The following ORC5 variants were observed in gnomAD, a reference collection of about 807,000 sequenced individuals.
The protein encoded by ORC5 is origin recognition complex subunit 5.
In ORC5, 39 loss-of-function variants were observed where a neutral mutation model predicts 58.8. The ratio of observed to expected loss-of-function variants is 0.66; its 90% CI spans 0.51 to 0.87. ORC5 has a LOEUF of 0.87. Among genes scored for constraint, ORC5 ranks in the 40% least tolerant of loss-of-function variants. The pLI, the probability that ORC5 is intolerant of heterozygous loss-of-function variation, is 0.00. For missense variants in ORC5, 493 were observed against 506.3 expected (o/e 0.97, Z 0.25); for synonymous variants, 218 against 177.6 (o/e 1.23, Z -1.81).
At chr7:104,155,294 TTATAAA>T in intron 12 of ORC5, among the ~76,000 whole-genome samples, 2 of 151,830 alleles carry the variant, frequency 1.3e-5, no homozygotes, top group East Asian at 3.9e-4. Context: ...GTTTATGTTC[TTATAAA>T]TGAAAATAAA....
intron 12 of ORC5, among the ~76,000 whole-genome samples, chr7:104,140,212 A>T (rs1244925805): frequency 3.9e-5 from 6 of 152,072 alleles, no homozygotes; most frequent in African/African-American, 1.2e-4. Context: ...TTGTTTTTAT[A>T]ATCAGTCTGA....
At chr7:104,183,831 TCAAA>T (rs1371146758) in intron 8 of ORC5, 108 bp downstream of exon 8, 6 of 720,738 alleles carry the variant, frequency 8.3e-6, no homozygotes, top group Non-Finnish European at 9.2e-6. Context: ...ATGCCAATCC[TCAAA>T]CAGATATCTT....
chr7:104,164,254 T>C (rs1384686219), intron 11 of ORC5, among the ~76,000 whole-genome samples: 1 of 151,984 alleles, frequency 6.6e-6, no homozygotes, highest in Non-Finnish European at 1.5e-5. Context: ...TGAAACCCTG[T>C]CTCTACAAAA....
At chr7:104,207,798 C>A (rs1216804348) in intron 1 of ORC5, 35 bp downstream of exon 1, 1 of 1,585,868 alleles carries the variant, frequency 6.3e-7, no homozygotes, top group Admixed American at 1.7e-5. Context: ...GAAACGTCTG[C>A]CTCCAGGATC....
intron 12 of ORC5, among the ~76,000 whole-genome samples, chr7:104,137,787 A>G (rs763085717): frequency 3.3e-5 from 5 of 152,266 alleles, no homozygotes; most frequent in East Asian, 1.9e-4. Flanking sequence ...GGGCTCCCCA[A>G]CCATCTGCTG....
chr7:104,206,126 G>C (rs1035644827), intron 1 of ORC5, among the ~76,000 whole-genome samples: 2 of 152,130 alleles, frequency 1.3e-5, no homozygotes, highest in Non-Finnish European at 2.9e-5. Context: ...TTGTGACCTA[G>C]AATTATATTG....
chr7:104,190,315 T>C (rs1479211291), intron 5 of ORC5, among the ~76,000 whole-genome samples: 1 of 152,134 alleles, frequency 6.6e-6, no homozygotes, highest in African/African-American at 2.4e-5. Flanking sequence ...AAAAAGGGGA[T>C]AGTACATAAA....
intron 13 of ORC5, among the ~76,000 whole-genome samples, chr7:104,127,534 T>A (rs1474759898): frequency 8.5e-6 from 1 of 117,290 alleles, no homozygotes; most frequent in African/African-American, 4.2e-5. Flanking sequence ...TTCTTCACTA[T>A]AAATATTCAG....
chr7:104,149,817 T>C (rs1034111284), intron 12 of ORC5, among the ~76,000 whole-genome samples: 1 of 152,216 alleles, frequency 6.6e-6, no homozygotes, highest in Non-Finnish European at 1.5e-5. Context: ...AGCCACAGTA[T>C]ATATTCCTTT....
intron 5 of ORC5, among the ~76,000 whole-genome samples, chr7:104,191,878 G>C (rs964185994): frequency 6.6e-6 from 1 of 152,122 alleles, no homozygotes. Context: ...ACCTTGGAGA[G>C]AGACTTCTGC....
Position 104,195,177 on chromosome 7 carries a change from C to T in ORC5, c.519G>A (p.Glu173=), listed in dbSNP as rs1246137982. 3.8e-6 allele frequency: 6 copies of T among 1,576,854 alleles called. No homozygotes were observed. The highest frequency in any genetic ancestry group is 1.7e-4 in the Middle Eastern group (1 of 5,976). Residue 173 remains glutamate, a synonymous_variant, in exon 5 of 14, where the codon GAG becomes GAA. Transcript: ENST00000297431. ...EKFRPNTGCF[E]PFVLYFPDYS... is the part of the protein sequence containing the mutation. ...AATCAGGGAAATATAAGACAAACGG[C>T]TCAAAGCATCCAGTATTTGGACGAA...
intron 6 of ORC5, among the ~76,000 whole-genome samples, chr7:104,184,960 T>C (rs924723217): frequency 6.6e-5 from 10 of 152,154 alleles, no homozygotes; most frequent in Non-Finnish European, 1.3e-4. Flanking sequence ...AATAACCTGT[T>C]ATGCCATGCT....
chr7:104,160,407 T>C lies in ORC5; in HGVS notation c.1149+665A>G, dbSNP rs188172080. 3.2e-4 allele frequency among the ~76,000 whole-genome samples: 49 copies of C among 152,268 alleles called. 1 individual carries two copies. Among genetic ancestry groups the C allele is most frequent in the African/African-American group, 1.1e-3 (46 of 41,552 alleles). ...CATGACTTTGCTTTTAAATAAATACTAGTTATATCATTTTGCTTTTTCTTC... is the reference window on the plus strand; with the variant it reads ...CATGACTTTGCTTTTAAATAAATACCAGTTATATCATTTTGCTTTTTCTTC... On this transcript the variant is annotated intron_variant, in intron 12 of 13. Coordinates refer to ENST00000297431, the MANE Select transcript of ORC5 (RefSeq NM_002553.4).
intron 8 of ORC5, among the ~76,000 whole-genome samples, chr7:104,180,558 C>T (rs1038693825): frequency 6.6e-6 from 1 of 151,636 alleles, no homozygotes; most frequent in Non-Finnish European, 1.5e-5. Context: ...CCTCCCTCCC[C>T]AATATCAAAA....
intron 8 of ORC5, among the ~76,000 whole-genome samples, chr7:104,180,521 T>C (rs934460575): frequency 2.0e-5 from 3 of 152,148 alleles, no homozygotes; most frequent in Admixed American, 6.5e-5. Context: ...GATCAGGTGT[T>C]TTAAACCTTT....
chr7:104,149,111 G>T (rs1400092393), intron 12 of ORC5, among the ~76,000 whole-genome samples: 1 of 151,704 alleles, frequency 6.6e-6, no homozygotes, highest in Non-Finnish European at 1.5e-5. Context: ...AGATGATATT[G>T]AAGATGGTAT....
At chr7:104,187,299 GAGA>G (rs1317668302) in intron 6 of ORC5, among the ~76,000 whole-genome samples, 2 of 152,190 alleles carry the variant, frequency 1.3e-5, no homozygotes, top group African/African-American at 4.8e-5. Context: ...TTTCCCAGCT[GAGA>G]AGATGTCTGA....
intron 12 of ORC5, among the ~76,000 whole-genome samples, chr7:104,142,436 C>G (rs1798688097): frequency 6.6e-6 from 1 of 151,608 alleles, no homozygotes; most frequent in Admixed American, 6.6e-5. Flanking sequence ...AAGGAAACAA[C>G]CAATAAAATG....
chr7:104,163,831 A>G (rs1799063713), intron 11 of ORC5, among the ~76,000 whole-genome samples: 2 of 152,176 alleles, frequency 1.3e-5, no homozygotes, highest in South Asian at 4.1e-4. Context: ...GTCTATCCTA[A>G]TATTAACATA....
Sources: gnomAD v4.1 joint callset for allele counts (sites outside exome capture counted in the v4.1 genomes callset) on GRCh38, gnomAD v4.1.1 for gene constraint, MANE v1.5 for transcripts, NCBI Gene and HGNC (gene_info 2026-07-23, HGNC 2026-07-21) for gene names.